LMNB2: variants seen among roughly 807,000 people sequenced by gnomAD.
The protein encoded by LMNB2 is lamin-B2.
Under a neutral mutation model 69.3 loss-of-function variants are expected in LMNB2, and 17 were observed. The ratio of observed to expected loss-of-function variants is 0.25; its 90% CI spans 0.17 to 0.37. The LOEUF (loss-of-function observed/expected upper bound fraction) is 0.37, where lower values mean the gene tolerates loss of function less well. Among genes scored for constraint, LMNB2 ranks in the 10% least tolerant of loss-of-function variants. LMNB2 has a pLI of 1.00. For missense variants in LMNB2, 789 were observed against 883.6 expected (o/e 0.89, Z 1.36); for synonymous variants, 397 against 389.3 (o/e 1.02, Z -0.23).
chr19:2,452,937 G>C (rs1484626441), intron 1 of LMNB2, among the ~76,000 whole-genome samples: 1 of 141,716 alleles, frequency 7.1e-6, no homozygotes, highest in South Asian at 2.3e-4. Flanking sequence ...TGGGGGCTGC[G>C]TCATCCTCAT....
intron 1 of LMNB2, 40 bp downstream of exon 1, chr19:2,456,630 C>A (rs778477782): frequency 9.0e-6 from 13 of 1,437,010 alleles, no homozygotes; most frequent in Non-Finnish European, 1.1e-5. Flanking sequence ...CGGGGCCTGC[C>A]GGCTGCACCC....
chr19:2,447,491 T>C lies in LMNB2; in HGVS notation c.265-2951A>G, dbSNP rs1963773818. ...ATGAACGTTCTAAAATTGGACACAT[T>C]GGTGGTGGCACAGCTGTGGAGATAT... On this transcript the variant is annotated intron_variant, in intron 1 of 11. Transcript: ENST00000325327. This position sits in a 1 kb window ranked among gnomAD's most constrained non-coding sequence, Gnocchi z 4.4. Among the ~76,000 whole-genome samples, 1 of 152,032 alleles carries C rather than the reference T, an allele frequency of 6.6e-6. No individual in the cohort carries two copies. Among genetic ancestry groups the C allele is most frequent in the Non-Finnish European group, 1.5e-5 (1 of 68,004 alleles).
chr19:2,433,185 T>A lies in LMNB2; in HGVS notation c.1482+641A>T, dbSNP rs145117863. The stretch of plus-strand genomic sequence containing the variant: ...ACCCCGTTACCCCCATGCCCCGGTC[T>A]TTCCGGTCACCTTGTCCCCTGCCTC... On this transcript the variant is annotated intron_variant, in intron 8 of 11. Transcript: ENST00000325327. Among the ~76,000 whole-genome samples, 354 of 37,478 alleles carry A rather than the reference T, an allele frequency of 9.4e-3. 3 individuals carry two copies. The highest frequency in any genetic ancestry group is 0.061 in the East Asian group (36 of 592). 24.6% of individuals were successfully genotyped at this position (37,478 alleles called of 152,430 possible).
chr19:2,431,388 T>C (rs538232479), intron 11 of LMNB2, among the ~76,000 whole-genome samples, 160 bp downstream of exon 11: 2 of 152,316 alleles, frequency 1.3e-5, no homozygotes, highest in African/African-American at 2.4e-5. Flanking sequence ...AACAGGTCTC[T>C]GCCGTGCTGG....
At chr19:2,439,666 C>T (rs12462898) in intron 2 of LMNB2, among the ~76,000 whole-genome samples, 24,044 of 151,926 alleles carry the variant, frequency 0.16, 2,466 homozygotes, top group Admixed American at 0.31. Context: ...GGCTCGAGCC[C>T]GTGGCCAGAG....
At chr19:2,452,499 G>A (rs1056502621) in intron 1 of LMNB2, among the ~76,000 whole-genome samples, 5 of 151,316 alleles carry the variant, frequency 3.3e-5, no homozygotes, top group African/African-American at 4.9e-5. Context: ...AAGCTGAGGC[G>A]GGCAGATCAC....
In LMNB2 at chr19:2,456,882, C is replaced by G. The variant is rs2145479530; in HGVS notation, c.52G>C (p.Ala18Pro). 9.2e-7 allele frequency: 1 copy of G among 1,088,540 alleles called. No individual in the cohort carries two copies. Among genetic ancestry groups the G allele is most frequent in the Non-Finnish European group, 1.1e-6 (1 of 899,776 alleles). The allele number at this position is 1,088,540 out of a possible 1,614,324, so 67.4% of individuals were successfully genotyped here. A position where few individuals can be genotyped will look rare whatever the true frequency, so the allele number is the denominator to read the frequency against. The change falls in exon 1 of 12, where the codon GCC (alanine) becomes CCC (proline). Residue 18 changes from alanine to proline, a missense_variant. Physicochemically the swap from Ala to Pro is conservative, Grantham distance 27. Coordinates refer to ENST00000325327, the MANE Select transcript of LMNB2 (RefSeq NM_032737.4). Reference sequence around the variant, plus strand: ...GGCAGCGGCGTGGCCATGGTGGCGGCGGCTCGCGGCCTGCGCTGCTCCCGA... The same window carrying G: ...GGCAGCGGCGTGGCCATGGTGGCGGGGGCTCGCGGCCTGCGCTGCTCCCGA... Reference protein sequence around the residue: ...RRREQRRPRAAATMATPLPGR... With the variant: ...RRREQRRPRAPATMATPLPGR...
intron 6 of LMNB2, 99 bp from the exon 7 acceptor site, chr19:2,434,614 G>A (rs975794181): frequency 1.1e-5 from 17 of 1,514,190 alleles, no homozygotes; most frequent in Middle Eastern, 1.9e-4. Flanking sequence ...CACAGACTGG[G>A]GCAGAGACCA....
rs115388299 is a variant in LMNB2 at position 2,439,301 on chromosome 19, G to A, written c.402-770C>T. Among the ~76,000 whole-genome samples, 200 of 152,118 alleles carry A rather than the reference G, an allele frequency of 1.3e-3. 1 individual carries two copies. Among genetic ancestry groups the A allele is most frequent in the African/African-American group, 4.4e-3 (182 of 41,500 alleles). ...GTGAGGACACCCAGGGTTCCGCAGCGTCACAACTGCTGACATCTGGGGTGG... is the reference window on the plus strand; with the variant it reads ...GTGAGGACACCCAGGGTTCCGCAGCATCACAACTGCTGACATCTGGGGTGG... On this transcript the variant is annotated intron_variant, in intron 2 of 11. Transcript: ENST00000325327.
chr19:2,434,760 C>T (rs750189419), intron 6 of LMNB2, 28 bp downstream of exon 6: 14 of 1,587,822 alleles, frequency 8.8e-6, no homozygotes, highest in South Asian at 6.8e-5. Flanking sequence ...GCCAGGGGGA[C>T]GGCAGACGGT....
chr19:2,450,967 G>A (rs1972015187), intron 1 of LMNB2, among the ~76,000 whole-genome samples: 1 of 151,926 alleles, frequency 6.6e-6, no homozygotes, highest in Non-Finnish European at 1.5e-5. Context: ...GTAGCCAGGA[G>A]AGGTGGCTCA....
rs1283058833 is a variant in LMNB2 at position 2,453,228 on chromosome 19, C to T, written c.264+3442G>A. 6.6e-6 allele frequency among the ~76,000 whole-genome samples: 1 copy of T among 152,122 alleles called. No individual in the cohort carries two copies. ...GCATGCCCAGCCTTGGCCAAGAGTC[C>T]CCTGGGGGCAGAAGCTGGCCAGGTG... is the stretch of plus-strand genomic sequence containing the variant. On this transcript the variant is annotated intron_variant, in intron 1 of 11. Transcript: ENST00000325327. This position sits in a 1 kb window ranked among gnomAD's most constrained non-coding sequence, Gnocchi z 4.4.
chr19:2,442,527 C>A (rs1357921298), intron 2 of LMNB2, among the ~76,000 whole-genome samples: 8 of 152,076 alleles, frequency 5.3e-5, no homozygotes, highest in Non-Finnish European at 1.2e-4. Context: ...CGAGATTGCA[C>A]CACTGCACTC....
In LMNB2 at chr19:2,438,682, C is replaced by T. The variant is rs187691696; in HGVS notation, c.402-151G>A. 6.1e-4 allele frequency: 564 copies of T among 925,914 alleles called. 2 individuals carry two copies. Among genetic ancestry groups the T allele is most frequent in the Admixed American group, 9.2e-4 (34 of 36,968 alleles). 57.4% of individuals were successfully genotyped at this position (925,914 alleles called of 1,614,324 possible). A position where few individuals can be genotyped will look rare whatever the true frequency, so the allele number is the denominator to read the frequency against. On this transcript the variant is annotated intron_variant, in intron 2 of 11. Coordinates refer to ENST00000325327, the MANE Select transcript of LMNB2 (RefSeq NM_032737.4). ...GTCCTGCAGACGACGCGGCCCCACG[C>T]GCCCAGGCAAAGGCACACGTGCCCT...
In LMNB2 at chr19:2,431,645, C is replaced by A; in HGVS notation, c.1724G>T (p.Arg575Met). 6.2e-7 allele frequency: 1 copy of A among 1,614,170 alleles called. No homozygotes were observed. The change falls in exon 11 of 12, where the codon AGG becomes ATG. Residue 575 changes from arginine to methionine, a missense_variant. Coordinates refer to ENST00000325327, the MANE Select transcript of LMNB2 (RefSeq NM_032737.4). ...CATCACCGAGGACTTCTTCACAGTC[C>A]TCATGGCCACTTCCTGTGCGGGACA... ...VNADGEEVAM[R>M]TVKKSSVMRE... is the part of the protein sequence containing the mutation.
At chr19:2,450,772 T>C (rs1047735660) in intron 1 of LMNB2, among the ~76,000 whole-genome samples, 1 of 151,910 alleles carries the variant, frequency 6.6e-6, no homozygotes, top group Non-Finnish European at 1.5e-5. Context: ...ACTGGGACTA[T>C]AGCCGTGCAC....
intron 1 of LMNB2, among the ~76,000 whole-genome samples, chr19:2,450,717 A>C (rs1239138345): frequency 6.6e-6 from 1 of 151,990 alleles, no homozygotes; most frequent in Non-Finnish European, 1.5e-5. Flanking sequence ...AGCTCACAGC[A>C]ACCTCTGCTT....
At chr19:2,446,867 G>A (rs1014056268) in intron 1 of LMNB2, among the ~76,000 whole-genome samples, 1 of 152,164 alleles carries the variant, frequency 6.6e-6, no homozygotes, top group East Asian at 1.9e-4. Context: ...GGTGCCGGGC[G>A]CAGTGGCTCA....
chr19:2,431,524 C>T (rs375635340), intron 11 of LMNB2, 24 bp downstream of exon 11: 161 of 1,613,932 alleles, frequency 1.0e-4, no homozygotes, highest in African/African-American at 8.4e-4. Context: ...GCCCCCCAGC[C>T]GCAAGTGGGC....
Sources: gnomAD v4.1 joint callset for allele counts (sites outside exome capture counted in the v4.1 genomes callset) on GRCh38, gnomAD v4.1.1 for gene constraint, Gnocchi (gnomAD v3.1) non-coding constraint, MANE v1.5 for transcripts, NCBI Gene and HGNC (gene_info 2026-07-23, HGNC 2026-07-21) for gene names.